The following TMCO4 variants were observed in gnomAD, a reference collection of about 807,000 sequenced individuals.
TMCO4 encodes transmembrane and coiled-coil domains 4, also known as transmembrane and coiled-coil domain-containing protein 4.
A neutral mutation model predicts 64.7 loss-of-function variants in TMCO4; 58 were observed. The observed-to-expected ratio is 0.90, with a 90% confidence interval of 0.73 to 1.12. The LOEUF (loss-of-function observed/expected upper bound fraction) is 1.12, where lower values mean the gene tolerates loss of function less well. Ranked by LOEUF, TMCO4 falls within the 50% of genes most tolerant of loss-of-function variation. The pLI is 0.00. For missense variants in TMCO4, 780 were observed against 825.9 expected (o/e 0.94, Z 0.68); for synonymous variants, 325 against 346.1 (o/e 0.94, Z 0.68).
At chr1:19,706,293 C>T (rs368293877) in intron 13 of TMCO4, among the ~76,000 whole-genome samples, 30 of 152,112 alleles carry the variant, frequency 2.0e-4, no homozygotes, top group East Asian at 3.9e-4. Context: ...AGAATGCCCC[C>T]GGTTTTCAAG....
chr1:19,790,278 T>C (rs2043965832), intron 2 of TMCO4, among the ~76,000 whole-genome samples: 1 of 151,762 alleles, frequency 6.6e-6, no homozygotes, highest in South Asian at 2.1e-4. Context: ...TATGACGAAA[T>C]CACCAAAAGC....
intron 3 of TMCO4, among the ~76,000 whole-genome samples, chr1:19,786,789 A>C (rs965557744): frequency 2.6e-5 from 4 of 152,244 alleles, no homozygotes; most frequent in Non-Finnish European, 5.9e-5. Flanking sequence ...AGAATTTTAA[A>C]AACCTTTTCT....
rs964750627 is a variant in TMCO4 at position 19,781,717 on chromosome 1, G to C, written c.-8-951C>G. 4.6e-5 allele frequency among the ~76,000 whole-genome samples: 7 copies of C among 151,418 alleles called. No individual in the cohort carries two copies. The South Asian group carries it at 1.3e-3, about 27-fold the overall frequency. The stretch of plus-strand genomic sequence containing the variant: ...GCTGGAGTGCAGTGGCACGATCTTG[G>C]CTCACTGCAAGCTCCGCCTCCTGGG... On this transcript the variant is annotated intron_variant, in intron 3 of 15. Coordinates refer to ENST00000294543, the MANE Select transcript of TMCO4 (RefSeq NM_181719.7).
intron 13 of TMCO4, among the ~76,000 whole-genome samples, chr1:19,719,077 C>T (rs923900383): frequency 1.3e-5 from 2 of 152,184 alleles, no homozygotes; most frequent in African/African-American, 2.4e-5. Context: ...CTGAAGAAGT[C>T]GCTGCTGCAG....
intron 15 of TMCO4, among the ~76,000 whole-genome samples, chr1:19,684,064 T>A (rs1426584210): frequency 2.1e-5 from 1 of 48,382 alleles, no homozygotes; most frequent in Non-Finnish European, 3.5e-5. Flanking sequence ...GCCCGGCAGC[T>A]TTTTTTTTTT....
At chr1:19,700,701 G>A in intron 14 of TMCO4, 67 bp downstream of exon 14, 5 of 1,362,154 alleles carry the variant, frequency 3.7e-6, no homozygotes, top group Non-Finnish European at 5.2e-6. Context: ...CCCCAACACA[G>A]AGCCTGGGCA....
At position 19,778,591 on chromosome 1, in the gene TMCO4, C is replaced by T. The variant is rs76857851; in HGVS notation, c.179+1989G>A. Among the ~76,000 whole-genome samples the T allele has an allele frequency of 1.2e-3, 188 of 152,310 alleles. 5 individuals carry two copies. In the East Asian group the frequency reaches 0.033, roughly 27 times the overall value. On this transcript the variant is annotated intron_variant, in intron 4 of 15. Transcript: ENST00000294543. ...CATCATCTCATTTAATTCCTGCAATCACCCTGCAGCATGGGTATCATTAGC... is the reference window on the plus strand; with the variant it reads ...CATCATCTCATTTAATTCCTGCAATTACCCTGCAGCATGGGTATCATTAGC...
chr1:19,735,837 G>A (rs1251381461), intron 13 of TMCO4, among the ~76,000 whole-genome samples: 2 of 152,146 alleles, frequency 1.3e-5, no homozygotes, highest in African/African-American at 2.4e-5. Context: ...GCAGATAGAC[G>A]GTTTGCTGCC....
chr1:19,771,153 A>C (rs540067435), intron 5 of TMCO4, among the ~76,000 whole-genome samples, 155 bp downstream of exon 5: 1 of 152,354 alleles, frequency 6.6e-6, no homozygotes, highest in South Asian at 2.1e-4. Context: ...CAATAATGAT[A>C]ATTCAACATC....
chr1:19,735,720 G>T lies in TMCO4; in HGVS notation c.1264+1652C>A, dbSNP rs539043984. Among the ~76,000 whole-genome samples, 6 of 152,142 alleles carry T rather than the reference G, an allele frequency of 3.9e-5. 1 individual carries two copies. In the South Asian group the frequency reaches 1.2e-3, roughly 32 times the overall value. ...GAATTAAAGTCTTGCCTGTACTAAC[G>T]ATCTTAAGTTAACATAGCATTTATG... is the stretch of plus-strand genomic sequence containing the variant. On this transcript the variant is annotated intron_variant, in intron 13 of 15. Transcript: ENST00000294543.
At chr1:19,716,193 T>G (rs1249080531) in intron 13 of TMCO4, among the ~76,000 whole-genome samples, 1 of 147,770 alleles carries the variant, frequency 6.8e-6, no homozygotes, top group Admixed American at 6.7e-5. Flanking sequence ...ATTAATTTAT[T>G]TATTTTTTTG....
intron 13 of TMCO4, among the ~76,000 whole-genome samples, chr1:19,707,498 C>G (rs1034684555): frequency 6.6e-6 from 1 of 152,234 alleles, no homozygotes; most frequent in African/African-American, 2.4e-5. Flanking sequence ...TGGCACATGC[C>G]TGTAATCCCA....
intron 4 of TMCO4, among the ~76,000 whole-genome samples, chr1:19,772,872 G>T (rs2043045997): frequency 6.6e-6 from 1 of 152,132 alleles, no homozygotes; most frequent in Non-Finnish European, 1.5e-5. Context: ...GACCTTGATG[G>T]GAGTTGTGAG....
chr1:19,775,674 C>T (rs538486091), intron 4 of TMCO4, among the ~76,000 whole-genome samples: 3 of 152,154 alleles, frequency 2.0e-5, no homozygotes, highest in African/African-American at 7.2e-5. Flanking sequence ...AATAACTGGC[C>T]CTTGGCAGAA....
rs375224777 is a variant in TMCO4, at chr1:19,746,604, G to C, written c.614-5C>G. On this transcript the variant is annotated splice_region_variant and splice_polypyrimidine_tract_variant and intron_variant, in intron 8 of 15. Transcript: ENST00000294543. The stretch of plus-strand genomic sequence containing the variant: ...CAGCTAGACCTCCAGTCACACCTGT[G>C]GGAAAAGCAGCAGTTTCAGGTGGGA... The C allele has an allele frequency of 4.9e-5, 79 of 1,599,898 alleles. No individual in the cohort carries two copies. In the African/African-American group the frequency reaches 1.0e-3, roughly 21 times the overall value.
Position 19,784,272 on chromosome 1 carries a change from G to A in TMCO4, c.-9+2754C>T, listed in dbSNP as rs894303745. Among the ~76,000 whole-genome samples the A allele has an allele frequency of 7.9e-5, 12 of 152,306 alleles. 1 individual carries two copies. The Middle Eastern group carries it at 0.01, about 130-fold the overall frequency. On this transcript the variant is annotated intron_variant, in intron 3 of 15. Transcript: ENST00000294543. ...GCTCAGGCTGGGCGCGGTAGCTCAC[G>A]CCTGTAATCCCAGCACTTTGGGAGG... is the stretch of plus-strand genomic sequence containing the variant.
At chr1:19,760,965 T>G (rs1467455381) in intron 6 of TMCO4, among the ~76,000 whole-genome samples, 1 of 152,264 alleles carries the variant, frequency 6.6e-6, no homozygotes, top group Non-Finnish European at 1.5e-5. Context: ...AGAAACATCC[T>G]ATGACCAATA....
At chr1:19,692,357 T>A (rs2095201897) in intron 15 of TMCO4, among the ~76,000 whole-genome samples, 1 of 152,150 alleles carries the variant, frequency 6.6e-6, no homozygotes, top group Admixed American at 6.6e-5. Context: ...TGCTTTGCCA[T>A]GTTTCAGCGG....
Position 19,694,461 on chromosome 1 carries a change from C to A in TMCO4, c.1473G>T (p.Arg491Ser). 6.2e-7 allele frequency: 1 copy of A among 1,614,098 alleles called. No homozygotes were observed. The highest frequency in any genetic ancestry group is 8.5e-7 in the Non-Finnish European group (1 of 1,179,946). The change falls in exon 15 of 16, where the codon AGG becomes AGT. Residue 491 changes from arginine (R) to serine (S), a missense_variant. Coordinates refer to ENST00000294543, the MANE Select transcript of TMCO4 (RefSeq NM_181719.7). ...GLQPVLLQDR[R>S]VENVDLTSVV... ...CAGAGGTCAGGTCCACGTTCTCCACCCTCCTGTCCTGCAGCAGCACGGGCT... is the reference window on the plus strand; with the variant it reads ...CAGAGGTCAGGTCCACGTTCTCCACACTCCTGTCCTGCAGCAGCACGGGCT...
Sources: gnomAD v4.1 joint callset for allele counts (sites outside exome capture counted in the v4.1 genomes callset) on GRCh38, gnomAD v4.1.1 for gene constraint, MANE v1.5 for transcripts, NCBI Gene and HGNC (gene_info 2026-07-23, HGNC 2026-07-21) for gene names.